Variants in COL5A2 observed in about 807,000 individuals in gnomAD.
COL5A2 encodes the protein collagen type V alpha 2 chain.
Under a neutral mutation model 208.2 loss-of-function variants are expected in COL5A2, and 23 were observed. The ratio of observed to expected loss-of-function variants is 0.11; its 90% CI spans 0.08 to 0.16. The LOEUF (loss-of-function observed/expected upper bound fraction) is 0.16. COL5A2 is among the 10% of genes least tolerant of loss of function. The probability of loss-of-function intolerance (pLI) is 1.00; values close to 1 mark genes in which losing one functional copy is unlikely to be tolerated. For synonymous variants in COL5A2, 625 were observed against 628.5 expected, an observed-to-expected ratio of 0.99 and a Z score of 0.08; for missense variants, 1,590 against 1,956.4, an observed-to-expected ratio of 0.81 and a Z score of 3.53.
At chr2:189,271,072 C>T in the COL5A2 span, among the ~76,000 whole-genome samples, 1 of 152,070 alleles carries the variant, frequency 6.6e-6, no homozygotes, top group Non-Finnish European at 1.5e-5. Context: ...GTGAAAATGG[C>T]CATACTGCCC....
the COL5A2 span, among the ~76,000 whole-genome samples, chr2:189,272,675 T>A: frequency 6.6e-6 from 1 of 151,944 alleles, no homozygotes; most frequent in Non-Finnish European, 1.5e-5. Context: ...TTAAAAAAAA[T>A]CTCAATTTCC....
the COL5A2 span, among the ~76,000 whole-genome samples, chr2:189,283,213 A>C: frequency 1.4e-4 from 21 of 151,748 alleles, no homozygotes; most frequent in African/African-American, 5.1e-4. Flanking sequence ...GGGAGGAAAG[A>C]AGGAAAGAAG....
At chr2:189,052,108 C>T in intron 41 of COL5A2, 64 bp downstream of exon 41, 1 of 1,316,338 alleles carries the variant, frequency 7.6e-7, no homozygotes, top group Admixed American at 1.9e-5. Context: ...AAATTTAACT[C>T]AAATGTATAC....
At chr2:189,351,752 G>T in the COL5A2 span, among the ~76,000 whole-genome samples, 1 of 152,082 alleles carries the variant, frequency 6.6e-6, no homozygotes, top group African/African-American at 2.4e-5. Context: ...AGGACGGAAG[G>T]AAGAAAAAAG....
chr2:189,313,681 C>T, the COL5A2 span, among the ~76,000 whole-genome samples: 2 of 152,126 alleles, frequency 1.3e-5, no homozygotes, highest in African/African-American at 4.8e-5. Flanking sequence ...CATCAGTATG[C>T]TATCTTCGAA....
At chr2:189,114,079 C>G (rs1468943775) in intron 1 of COL5A2, among the ~76,000 whole-genome samples, 1 of 152,200 alleles carries the variant, frequency 6.6e-6, no homozygotes, top group Non-Finnish European at 1.5e-5. Context: ...TCTGAGTCAT[C>G]ATGGCTTCCC....
the COL5A2 span, among the ~76,000 whole-genome samples, chr2:189,237,044 C>G: frequency 6.6e-6 from 1 of 151,592 alleles, no homozygotes; most frequent in African/African-American, 2.4e-5. Flanking sequence ...TAAGGTCTTT[C>G]TTTTTTCTTG....
chr2:189,219,411 A>G (rs952494587), intron 1 of COL5A2, among the ~76,000 whole-genome samples: 17 of 152,072 alleles, frequency 1.1e-4, no homozygotes, highest in Admixed American at 8.5e-4. Context: ...ATAAATATTC[A>G]CTCTCATACC....
the COL5A2 span, among the ~76,000 whole-genome samples, chr2:189,239,775 T>A: frequency 2.0e-5 from 3 of 150,978 alleles, no homozygotes; most frequent in Admixed American, 2.0e-4. Context: ...ATAATAATAA[T>A]AAAATAAAAT....
chr2:189,080,339 T>A (rs907888118), intron 13 of COL5A2, among the ~76,000 whole-genome samples: 2 of 152,304 alleles, frequency 1.3e-5, no homozygotes, highest in South Asian at 2.1e-4. Flanking sequence ...AACACATAAC[T>A]ACAGAGTTCA....
chr2:189,157,162 C>CAT (rs1187823005), intron 1 of COL5A2, among the ~76,000 whole-genome samples: 1 of 140,828 alleles, frequency 7.1e-6, no homozygotes, highest in Admixed American at 6.9e-5. Context: ...ATGTGCTAAG[C>CAT]ATATATATAT....
chr2:189,185,569 TTGAG>T (rs58905553), intron 1 of COL5A2, among the ~76,000 whole-genome samples: 40 of 152,240 alleles, frequency 2.6e-4, no homozygotes, highest in African/African-American at 9.6e-4. Flanking sequence ...ACTCTGCTGA[TTGAG>T]TGGATGATAC....
chr2:189,170,991 T>TGGCAGAGGTGTACTGACTGTTGTGAGATG, intron 1 of COL5A2, among the ~76,000 whole-genome samples: 1 of 152,158 alleles, frequency 6.6e-6, no homozygotes, highest in Non-Finnish European at 1.5e-5. Context: ...TGTTCCTGCA[T>TGGCAGAGGTGTACTGACTGTTGTGAGATG]GGCAGAGGTG....
chr2:189,370,213 G>C, the COL5A2 span, among the ~76,000 whole-genome samples: 1 of 152,090 alleles, frequency 6.6e-6, no homozygotes, highest in African/African-American at 2.4e-5. Context: ...AGCTGAAAGA[G>C]CAATGAGTTA....
chr2:189,048,459 A>C (rs1469831305), intron 44 of COL5A2, among the ~76,000 whole-genome samples, 197 bp from the exon 45 acceptor site: 1 of 152,214 alleles, frequency 6.6e-6, no homozygotes, highest in Non-Finnish European at 1.5e-5. Context: ...ACATATTCTT[A>C]CTTAATCCAT....
intron 9 of COL5A2, among the ~76,000 whole-genome samples, 163 bp downstream of exon 9, chr2:189,086,563 A>C (rs1686667312): frequency 6.6e-6 from 1 of 152,224 alleles, no homozygotes; most frequent in Admixed American, 6.5e-5. Flanking sequence ...CATGTGGCAT[A>C]TATTTCTAAA....
intron 1 of COL5A2, among the ~76,000 whole-genome samples, chr2:189,157,124 C>CTATATA (rs112157584): frequency 3.5e-5 from 3 of 85,898 alleles, no homozygotes; most frequent in African/African-American, 6.8e-5. Context: ...ATCGATATAT[C>CTATATA]TATCTATATA....
At chr2:189,161,555 T>C (rs375205673) in intron 1 of COL5A2, among the ~76,000 whole-genome samples, 4 of 152,240 alleles carry the variant, frequency 2.6e-5, no homozygotes, top group South Asian at 2.1e-4. Flanking sequence ...CTCAATGCTA[T>C]GTATATAAAA....
At chr2:189,162,794 A>AGCAGGACTTGAGAAGATAAATGTTT (rs1688393484) in intron 1 of COL5A2, among the ~76,000 whole-genome samples, 1 of 152,176 alleles carries the variant, frequency 6.6e-6, no homozygotes, top group Non-Finnish European at 1.5e-5. Flanking sequence ...GAGGAATTCT[A>AGCAGGACTTGAGAAGATAAATGTTT]GCAGGACTTG....
Sources: allele counts gnomAD v4.1 joint callset (sites outside exome capture counted in the v4.1 genomes callset), GRCh38; gene constraint gnomAD v4.1.1; transcripts MANE v1.5; gene names NCBI Gene and HGNC (gene_info 2026-07-23, HGNC 2026-07-21).